The following PPEF1 variants were observed in gnomAD, a reference collection of about 807,000 sequenced individuals.
PPEF1 encodes serine/threonine-protein phosphatase with EF-hands 1.
A neutral mutation model predicts 53.3 loss-of-function variants in PPEF1; 12 were observed. The observed-to-expected ratio is 0.23, with a 90% CI of 0.14 to 0.36. The LOEUF (loss-of-function observed/expected upper bound fraction) is 0.36, where lower values mean the gene tolerates loss of function less well. Among genes scored for constraint, PPEF1 ranks in the 10% least tolerant of loss-of-function variants. The probability of loss-of-function intolerance (pLI) is 1.00; values close to 1 mark genes in which losing one functional copy is unlikely to be tolerated. For synonymous variants in PPEF1, 165 were observed against 176.7 expected (o/e 0.93, Z 0.52); for missense variants, 334 against 490.4 (o/e 0.68, Z 3.01).
intron 6 of PPEF1, among the ~76,000 whole-genome samples, chrX:18,767,511 C>A (rs1369865040): frequency 8.9e-6 from 1 of 112,109 alleles, no homozygotes; most frequent in African/African-American, 3.2e-5. Context: ...TGCCACTGCA[C>A]TCCAGCCTGG....
upstream of PPEF1, among the ~76,000 whole-genome samples, chrX:18,679,736 C>T (rs777044077): frequency 1.3e-3 from 143 of 111,209 alleles, no homozygotes; most frequent in Non-Finnish European, 2.2e-3. Context: ...TGGCTCCCTA[C>T]CTCAACTAGA....
At chrX:18,746,386 C>A (rs903384498) in intron 3 of PPEF1, among the ~76,000 whole-genome samples, 9 of 112,106 alleles carry the variant, frequency 8.0e-5, no homozygotes, top group Non-Finnish European at 1.5e-4. Context: ...TTGACGTTGA[C>A]TAATACTTCA....
rs1222513778 is a variant in PPEF1 at position 18,784,007 on chromosome X, A to G, written c.871A>G (p.Thr291Ala). 16 of 1,208,858 alleles carry G rather than the reference A, an allele frequency of 1.3e-5. No individual in the cohort carries two copies. Among genetic ancestry groups the G allele is most frequent in the Non-Finnish European group, 1.8e-5 (16 of 894,031 alleles). ...GGTCATCCATGGTGGGATATCAGAGACCACAGACTTGAATTTACTCCACCG... is the reference window on the plus strand; with the variant it reads ...GGTCATCCATGGTGGGATATCAGAGGCCACAGACTTGAATTTACTCCACCG... Reference protein sequence around the residue: ...ILVIHGGISETTDLNLLHRVE... With the variant: ...ILVIHGGISEATDLNLLHRVE... Residue 291 changes from threonine (T) to alanine (A), a missense_variant, in exon 9 of 16, where the codon ACC becomes GCC. Thr to Ala is a moderately conservative substitution (Grantham distance 58). Coordinates refer to ENST00000470157, the MANE Select transcript of PPEF1 (RefSeq NM_001377996.1).
chrX:18,804,729 G>A (rs1327002756), intron 11 of PPEF1, among the ~76,000 whole-genome samples: 1 of 112,257 alleles, frequency 8.9e-6, no homozygotes, highest in Non-Finnish European at 1.9e-5. Context: ...CGCATAAAAG[G>A]CAGCAGTGAA....
chrX:18,770,601 G>T (rs978143962), intron 6 of PPEF1, among the ~76,000 whole-genome samples: 5 of 111,632 alleles, frequency 4.5e-5, no homozygotes, highest in African/African-American at 1.6e-4. Flanking sequence ...TGTTGCATAA[G>T]GTGGATGGAT....
At chrX:18,732,010 C>T (rs2044849669) in intron 2 of PPEF1, among the ~76,000 whole-genome samples, 1 of 112,387 alleles carries the variant, frequency 8.9e-6, no homozygotes, top group African/African-American at 3.2e-5. Flanking sequence ...CCTCAGCCTC[C>T]TGAATAGCTG....
chrX:18,802,590 G>A (rs949494612), intron 10 of PPEF1, among the ~76,000 whole-genome samples: 1 of 112,010 alleles, frequency 8.9e-6, no homozygotes, highest in African/African-American at 3.2e-5. Flanking sequence ...GACACCCTCA[G>A]ATAAACAGGT....
chrX:18,779,035 C>T lies in PPEF1; in HGVS notation c.584C>T (p.Pro195Leu), dbSNP rs2046028908. 3 of 1,199,592 alleles carry T rather than the reference C, an allele frequency of 2.5e-6. No individual in the cohort carries two copies. The highest frequency in any genetic ancestry group is 2.3e-4 in the Middle Eastern group (1 of 4,354). Residue 195 changes from proline (P) to leucine (L), a missense_variant, in exon 7 of 16, where the codon CCG becomes CTG. Physicochemically the swap from Pro to Leu is moderately conservative, Grantham distance 98. Transcript: ENST00000470157. ...AATGGTCTCCCCTCAGAGAGGAACCCGTATGTTTTTAATGGTGACTTTGTA... is the reference window on the plus strand; with the variant it reads ...AATGGTCTCCCCTCAGAGAGGAACCTGTATGTTTTTAATGGTGACTTTGTA... ...YKNGLPSERN[P>L]YVFNGDFVDR...
intron 4 of PPEF1, among the ~76,000 whole-genome samples, chrX:18,691,805 A>G (rs182517683): frequency 2.3e-4 from 26 of 111,821 alleles, no homozygotes; most frequent in Non-Finnish European, 4.3e-4. Flanking sequence ...AACATCCATA[A>G]CTCTGACAGT....
intron 4 of PPEF1, among the ~76,000 whole-genome samples, chrX:18,752,459 C>G (rs1033502971): frequency 9.1e-6 from 1 of 109,756 alleles, no homozygotes; most frequent in African/African-American, 3.3e-5. Context: ...GTTTTATTTC[C>G]TTCTTTCTGA....
chrX:18,739,145 C>G (rs2045077431), intron 3 of PPEF1, among the ~76,000 whole-genome samples: 1 of 112,857 alleles, frequency 8.9e-6, no homozygotes, highest in Admixed American at 9.4e-5. Flanking sequence ...CATCAAAGTC[C>G]TTCTCTGTCC....
intron 6 of PPEF1, among the ~76,000 whole-genome samples, chrX:18,778,574 G>T (rs930310047): frequency 8.1e-5 from 9 of 110,922 alleles, no homozygotes; most frequent in African/African-American, 3.0e-4. Context: ...GCAAATTGGG[G>T]GAATCACAGC....
intron 1 of PPEF1, among the ~76,000 whole-genome samples, chrX:18,728,235 C>T (rs1260806993): frequency 9.0e-6 from 1 of 110,858 alleles, no homozygotes; most frequent in Non-Finnish European, 1.9e-5. Flanking sequence ...TTTGTTTTCA[C>T]ACTGCTGATA....
In PPEF1 at chrX:18,749,953, G is replaced by A. The variant is rs1197684771; in HGVS notation, c.396+1G>A. 2 of 1,192,224 alleles carry A rather than the reference G, an allele frequency of 1.7e-6. No individual in the cohort carries two copies. Among genetic ancestry groups the A allele is most frequent in the Non-Finnish European group, 1.1e-6 (1 of 880,661 alleles). On this transcript the variant is annotated splice_donor_variant, in intron 4 of 15. Transcript: ENST00000470157. LOFTEE classifies it high-confidence loss of function. ...TCTTGAGGCCTTCAAGGAACAACAG[G>A]TAAGTGGAAGCAGATGCTGCCTTGA...
At chrX:18,804,783 C>A (rs2046625056) in intron 11 of PPEF1, among the ~76,000 whole-genome samples, 1 of 111,528 alleles carries the variant, frequency 9.0e-6, no homozygotes. Context: ...TGTGCAGGGC[C>A]CAAAACACAA....
chrX:18,719,999 G>C (rs966559899), intron 1 of PPEF1, among the ~76,000 whole-genome samples: 2 of 111,787 alleles, frequency 1.8e-5, no homozygotes, highest in Non-Finnish European at 3.8e-5. Flanking sequence ...GTGATAATGA[G>C]ACAGATGAGC....
chrX:18,755,445 T>C (rs2045526976), intron 4 of PPEF1, among the ~76,000 whole-genome samples: 1 of 111,416 alleles, frequency 9.0e-6, no homozygotes, highest in Middle Eastern at 4.2e-3. Flanking sequence ...CACGTGCCTG[T>C]AGTCCCCGCT....
chrX:18,798,922 G>T (rs1430207945), intron 10 of PPEF1, among the ~76,000 whole-genome samples: 1 of 110,845 alleles, frequency 9.0e-6, no homozygotes, highest in Non-Finnish European at 1.9e-5. Context: ...CACCATGTCC[G>T]GCCTGAGCAT....
At chrX:18,777,901 C>T (rs1018232866) in intron 6 of PPEF1, among the ~76,000 whole-genome samples, 3 of 110,331 alleles carry the variant, frequency 2.7e-5, no homozygotes, top group East Asian at 2.8e-4. Context: ...CACACCACCA[C>T]GCCTGGCTAA....
Sources: gnomAD v4.1 joint callset for allele counts (sites outside exome capture counted in the v4.1 genomes callset) on GRCh38, gnomAD v4.1.1 for gene constraint, MANE v1.5 for transcripts, NCBI Gene and HGNC (gene_info 2026-07-23, HGNC 2026-07-21) for gene names.